The following UQCRB variants were observed in gnomAD, a reference collection of about 807,000 sequenced individuals.
The protein encoded by UQCRB is cytochrome b-c1 complex subunit 7.
A neutral mutation model predicts 19.8 loss-of-function variants in UQCRB; 12 were observed. That is an observed-to-expected ratio of 0.61 (90% CI 0.39 to 0.98). The LOEUF is 0.98. UQCRB is among the 50% of genes least tolerant of loss of function. The probability of loss-of-function intolerance (pLI) is 0.00; values close to 1 mark genes in which losing one functional copy is unlikely to be tolerated. For synonymous variants in UQCRB, 39 were observed against 42.9 expected, an observed-to-expected ratio of 0.91 and a Z score of 0.35; for missense variants, 142 against 131.8, an observed-to-expected ratio of 1.08 and a Z score of -0.38.
At position 96,227,261 on chromosome 8, in the gene UQCRB, T is replaced by C. The variant is rs1375828448; in HGVS notation, c.*3794A>G. The C allele has an allele frequency of 2.2e-6, 1 of 454,076 alleles. No individual in the cohort carries two copies. Among genetic ancestry groups the C allele is most frequent in the Non-Finnish European group, 4.4e-6 (1 of 226,762 alleles). 28.1% of individuals were successfully genotyped at this position (454,076 alleles called of 1,614,324 possible). On this transcript the variant is annotated 3_prime_UTR_variant, in exon 4 of 4. Coordinates refer to ENST00000287022, the MANE Select transcript of UQCRB (RefSeq NM_006294.5). ...AGATTTCATTACATCAGTATATAGCTTAGTAGTAAATTCTCCTGATGGCCA... is the reference window on the plus strand; with the variant it reads ...AGATTTCATTACATCAGTATATAGCCTAGTAGTAAATTCTCCTGATGGCCA...
intron 3 of UQCRB, 120 bp downstream of exon 3, chr8:96,231,653 CT>C: frequency 1.4e-6 from 2 of 1,458,476 alleles, no homozygotes; most frequent in Non-Finnish European, 1.9e-6. Context: ...CTTTATTAAC[CT>C]CACATATTTA....
intron 1 of UQCRB, chr8:96,234,310 TATA>T (rs972789500): frequency 1.8e-5 from 6 of 325,540 alleles, no homozygotes; most frequent in Admixed American, 4.0e-5. Context: ...TATCAGTGAC[TATA>T]ATAATATTCA....
At position 96,223,681 on chromosome 8, in the gene UQCRB, A is replaced by G. The variant is rs1479314938; in HGVS notation, c.*7374T>C. Among the ~76,000 whole-genome samples the G allele has an allele frequency of 6.6e-6, 1 of 152,194 alleles. No individual in the cohort carries two copies. The highest frequency in any genetic ancestry group is 1.9e-4 in the East Asian group (1 of 5,200). Reference sequence around the variant, plus strand: ...TGGTGAGGATTGCAAGTGCCATTGCAGGGGACTGAGAATAGAAGGAAAAAA... The same window carrying G: ...TGGTGAGGATTGCAAGTGCCATTGCGGGGGACTGAGAATAGAAGGAAAAAA... On this transcript the variant is annotated 3_prime_UTR_variant, in exon 4 of 4. Coordinates refer to ENST00000287022, the MANE Select transcript of UQCRB (RefSeq NM_006294.5).
chr8:96,229,657 A>G lies in UQCRB; in HGVS notation c.*1398T>C, dbSNP rs1037872661. ...TAGGACTACATTAAAACCTTGTCAC[A>G]ATGTGACCTGAGCAAAACCATTATC... On this transcript the variant is annotated 3_prime_UTR_variant, in exon 4 of 4. Transcript: ENST00000287022. 2.2e-6 allele frequency: 1 copy of G among 453,980 alleles called. No homozygotes were observed. The highest frequency in any genetic ancestry group is 1.6e-5 in the South Asian group (1 of 64,468). The allele number at this position is 453,980 out of a possible 1,614,324, so 28.1% of individuals were successfully genotyped here. A position where few individuals can be genotyped will look rare whatever the true frequency, so the allele number is the denominator to read the frequency against.
chr8:96,231,152 T>C lies in UQCRB; in HGVS notation c.259-20A>G. 1 of 1,614,100 alleles carries C rather than the reference T, an allele frequency of 6.2e-7. No individual in the cohort carries two copies. Among genetic ancestry groups the C allele is most frequent in the Non-Finnish European group, 8.5e-7 (1 of 1,179,956 alleles). ...ATTTTCCTAAAGAATGAATGAAATATTATATGTTACCATCACGTACTGATA... is the reference window on the plus strand; with the variant it reads ...ATTTTCCTAAAGAATGAATGAAATACTATATGTTACCATCACGTACTGATA... On this transcript the variant is annotated intron_variant, in intron 3 of 3. Coordinates refer to ENST00000287022, the MANE Select transcript of UQCRB (RefSeq NM_006294.5).
intron 3 of UQCRB, 178 bp from the exon 4 acceptor site, chr8:96,231,310 A>G (rs990904729): frequency 2.6e-6 from 4 of 1,552,342 alleles, no homozygotes; most frequent in Admixed American, 2.0e-5. Flanking sequence ...TGATGGTGTG[A>G]TAAGTTGCTT....
In UQCRB at chr8:96,224,903, A is replaced by G. The variant is rs1470072228; in HGVS notation, c.*6152T>C. The stretch of plus-strand genomic sequence containing the variant: ...GGAGAGGACTGAGAGTTTGTACTAC[A>G]TAAAAATCAGAAACTTCCATTTGAC... On this transcript the variant is annotated 3_prime_UTR_variant, in exon 4 of 4. Coordinates refer to ENST00000287022, the MANE Select transcript of UQCRB (RefSeq NM_006294.5). Among the ~76,000 whole-genome samples, 1 of 152,246 alleles carries G rather than the reference A, an allele frequency of 6.6e-6. No homozygotes were observed. Among genetic ancestry groups the G allele is most frequent in the Non-Finnish European group, 1.5e-5 (1 of 68,046 alleles).
At chr8:96,235,342 G>C (rs1272969239) in intron 1 of UQCRB, 170 bp downstream of exon 1, 1 of 1,007,398 alleles carries the variant, frequency 9.9e-7, no homozygotes, top group Non-Finnish European at 1.5e-6. Context: ...CCCGCCCTGG[G>C]GACAGCAAAC....
chr8:96,234,983 T>C (rs1177816005), intron 1 of UQCRB: 5 of 227,030 alleles, frequency 2.2e-5, no homozygotes, highest in Non-Finnish European at 4.5e-5. Flanking sequence ...CTGTCTCTGA[T>C]TCGCAGTTTG....
Position 96,227,557 on chromosome 8 carries a change from C to A in UQCRB, c.*3498G>T. On this transcript the variant is annotated 3_prime_UTR_variant, in exon 4 of 4. Transcript: ENST00000287022. ...CATGCTTCCTCCCATACACCATAAA[C>A]CCATCTGCTCTTCATCCATCAAGCT... The A allele has an allele frequency of 2.2e-6, 1 of 454,148 alleles. No individual in the cohort carries two copies. Among genetic ancestry groups the A allele is most frequent in the Non-Finnish European group, 4.4e-6 (1 of 226,792 alleles). 28.1% of individuals were successfully genotyped at this position (454,148 alleles called of 1,614,324 possible). A position where few individuals can be genotyped will look rare whatever the true frequency, so the allele number is the denominator to read the frequency against.
At position 96,229,022 on chromosome 8, in the gene UQCRB, C is replaced by A. The variant is rs949678120; in HGVS notation, c.*2033G>T. ...ATTCTCACCCATTCACCTGTGTGAG[C>A]CAAATACTAGATCTACTTTCTTAGT... On this transcript the variant is annotated 3_prime_UTR_variant, in exon 4 of 4. Coordinates refer to ENST00000287022, the MANE Select transcript of UQCRB (RefSeq NM_006294.5). 2.2e-5 allele frequency: 10 copies of A among 453,964 alleles called. No individual in the cohort carries two copies. The highest frequency in any genetic ancestry group is 6.8e-4 in the Middle Eastern group (1 of 1,466). 28.1% of individuals were successfully genotyped at this position (453,964 alleles called of 1,614,324 possible).
chr8:96,224,961 C>T lies in UQCRB; in HGVS notation c.*6094G>A, dbSNP rs1809502299. ...ACCATGAACAAAGTTGAAAAGGCAT[C>T]CAAAAAACCTCAAATAAAATTCAAA... On this transcript the variant is annotated 3_prime_UTR_variant, in exon 4 of 4. Coordinates refer to ENST00000287022, the MANE Select transcript of UQCRB (RefSeq NM_006294.5). 1.3e-5 allele frequency among the ~76,000 whole-genome samples: 2 copies of T among 152,042 alleles called. No homozygotes were observed. Among genetic ancestry groups the T allele is most frequent in the Admixed American group, 1.3e-4 (2 of 15,266 alleles).
In UQCRB at chr8:96,230,418, T is replaced by C; in HGVS notation, c.*637A>G. 1 of 447,448 alleles carries C rather than the reference T, an allele frequency of 2.2e-6. No individual in the cohort carries two copies. The highest frequency in any genetic ancestry group is 4.4e-6 in the Non-Finnish European group (1 of 225,252). 27.7% of individuals were successfully genotyped at this position (447,448 alleles called of 1,614,324 possible). ...ATTTTTAAAAATTACCCTATAATCT[T>C]AAAACTTTTAACTGACTAGTATCCA... On this transcript the variant is annotated 3_prime_UTR_variant, in exon 4 of 4. Coordinates refer to ENST00000287022, the MANE Select transcript of UQCRB (RefSeq NM_006294.5).
intron 2 of UQCRB, chr8:96,232,690 CCAGGCGTGGTG>C (rs1809704172): frequency 6.1e-6 from 1 of 162,714 alleles, no homozygotes; most frequent in Non-Finnish European, 1.3e-5. Context: ...AAAAAATTAG[CCAGGCGTGGTG>C]GCACACGCCT....
At chr8:96,232,001 T>C in intron 2 of UQCRB, 61 bp from the exon 3 acceptor site, 1 of 1,508,328 alleles carries the variant, frequency 6.6e-7, no homozygotes, top group East Asian at 2.3e-5. Context: ...TTTTTTAAAT[T>C]AGTAAAATAC....
In UQCRB at chr8:96,229,779, G is replaced by A. The variant is rs779416858; in HGVS notation, c.*1276C>T. ...GACCAGCGAAAGGAAAAAAAAAAGC[G>A]GGGGAGGGGGTTCCTAGAGAATTTA... On this transcript the variant is annotated 3_prime_UTR_variant, in exon 4 of 4. Transcript: ENST00000287022. The A allele has an allele frequency of 2.0e-5, 9 of 453,340 alleles. 1 individual carries two copies. Among genetic ancestry groups the A allele is most frequent in the South Asian group, 4.7e-5 (3 of 64,268 alleles). 28.1% of individuals were successfully genotyped at this position (453,340 alleles called of 1,614,324 possible). A position where few individuals can be genotyped will look rare whatever the true frequency, so the allele number is the denominator to read the frequency against.
chr8:96,228,812 C>T lies in UQCRB; in HGVS notation c.*2243G>A, dbSNP rs1809586764. The T allele has an allele frequency of 2.2e-6, 1 of 453,942 alleles. No individual in the cohort carries two copies. The highest frequency in any genetic ancestry group is 1.6e-5 in the South Asian group (1 of 64,480). 28.1% of individuals were successfully genotyped at this position (453,942 alleles called of 1,614,324 possible). On this transcript the variant is annotated 3_prime_UTR_variant, in exon 4 of 4. Coordinates refer to ENST00000287022, the MANE Select transcript of UQCRB (RefSeq NM_006294.5). ...GTCTAACCCAGAATTAGCTCTGAAT[C>T]ACTCTACCATTCGGTCTACAGGACA...
At position 96,230,341 on chromosome 8, in the gene UQCRB, T is replaced by C. The variant is rs778055256; in HGVS notation, c.*714A>G. On this transcript the variant is annotated 3_prime_UTR_variant, in exon 4 of 4. Coordinates refer to ENST00000287022, the MANE Select transcript of UQCRB (RefSeq NM_006294.5). ...ACCCGCCCGCCTCGGCCTCCCAAAG[T>C]GCTGGGATTACAGGCATGAGCCACC... is the stretch of plus-strand genomic sequence containing the variant. The C allele has an allele frequency of 1.2e-5, 5 of 423,052 alleles. No homozygotes were observed. Among genetic ancestry groups the C allele is most frequent in the South Asian group, 8.6e-5 (5 of 58,414 alleles). 26.2% of individuals were successfully genotyped at this position (423,052 alleles called of 1,614,324 possible). A position where few individuals can be genotyped will look rare whatever the true frequency, so the allele number is the denominator to read the frequency against.
Position 96,235,537 on chromosome 8 carries a change from C to T in UQCRB, c.-7G>A, listed in dbSNP as rs1200425444. On this transcript the variant is annotated 5_prime_UTR_variant, in exon 1 of 4. Coordinates refer to ENST00000287022, the MANE Select transcript of UQCRB (RefSeq NM_006294.5). Reference sequence around the variant, plus strand: ...CGGCCTGCTTACCAGCCATTTTGACCAGAAAGAGAAGCGTTGCCTTCTGGG... The same window carrying T: ...CGGCCTGCTTACCAGCCATTTTGACTAGAAAGAGAAGCGTTGCCTTCTGGG... The T allele has an allele frequency of 1.9e-6, 3 of 1,614,216 alleles. No homozygotes were observed. Among genetic ancestry groups the T allele is most frequent in the Non-Finnish European group, 2.5e-6 (3 of 1,180,028 alleles).
Sources: gnomAD v4.1 joint callset for allele counts (sites outside exome capture counted in the v4.1 genomes callset) on GRCh38, gnomAD v4.1.1 for gene constraint, MANE v1.5 for transcripts, NCBI Gene and HGNC (gene_info 2026-07-23, HGNC 2026-07-21) for gene names.